Variants in TLR5 observed in about 807,000 individuals in gnomAD.
The protein encoded by TLR5 is toll-like receptor 5.
For missense variants in TLR5, 944 were observed against 999.8 expected (o/e 0.94, Z 0.75); for synonymous variants, 373 against 384.4 (o/e 0.97, Z 0.35).
chr1:223,121,160 G>A (rs1009981064), intron 5 of TLR5, among the ~76,000 whole-genome samples: 7 of 152,180 alleles, frequency 4.6e-5, no homozygotes, highest in African/African-American at 1.7e-4. Context: ...TTATAAGTAG[G>A]TGTGAGTGTT....
At position 223,112,165 on chromosome 1, in the gene TLR5, T is replaced by G. The variant is rs74851800; in HGVS notation, c.867A>C (p.Ser289=). The G allele has an allele frequency of 1.4e-3, 2,218 of 1,614,140 alleles. 29 individuals carry two copies. The African/African-American group carries it at 0.026, about 19-fold the overall frequency. The change falls in exon 6 of 6, where the codon TCA becomes TCC. Residue 289 remains serine, a synonymous_variant. Transcript: ENST00000642603. ...QNTFAGLARS[S]VRHLDLSHGF... is the part of the protein sequence containing the mutation. ...CATGTGAAAGATCCAGGTGTCTCACTGAACTTCTGGCCAGGCCAGCAAATG... is the reference window on the plus strand; with the variant it reads ...CATGTGAAAGATCCAGGTGTCTCACGGAACTTCTGGCCAGGCCAGCAAATG...
rs150722087 is a variant in TLR5 at position 223,113,250 on chromosome 1, G to C, written c.-4-215C>G. Among the ~76,000 whole-genome samples the C allele has an allele frequency of 2.5e-3, 387 of 152,232 alleles. 13 individuals carry two copies. The East Asian group carries it at 0.061, about 24-fold the overall frequency. On this transcript the variant is annotated intron_variant, in intron 5 of 5. Transcript: ENST00000642603. ...AGACAGGGTCTTGCTCTGTTGCCCAGGCTGGAGTGCAGTGGCATGATCACA... is the reference window on the plus strand; with the variant it reads ...AGACAGGGTCTTGCTCTGTTGCCCACGCTGGAGTGCAGTGGCATGATCACA...
Position 223,130,526 on chromosome 1 carries a change from G to A in TLR5, c.-5+1949C>T, listed in dbSNP as rs114581434. Among the ~76,000 whole-genome samples the A allele has an allele frequency of 1.1e-3, 172 of 152,282 alleles. 1 individual carries two copies. The highest frequency in any genetic ancestry group is 1.9e-3 in the Non-Finnish European group (132 of 68,026). ...GCCAGTTCTCTGGGTTCCTTGGATG[G>A]GCCGGTCTGAGAAGGACTTGGGCAG... is the stretch of plus-strand genomic sequence containing the variant. On this transcript the variant is annotated intron_variant, in intron 5 of 5. Transcript: ENST00000642603.
intron 5 of TLR5, among the ~76,000 whole-genome samples, chr1:223,114,834 G>T (rs1157227231): frequency 6.6e-6 from 1 of 152,136 alleles, no homozygotes. Flanking sequence ...GAGTCTCAGG[G>T]TGACAACACA....
intron 5 of TLR5, among the ~76,000 whole-genome samples, chr1:223,126,207 G>A (rs1212468617): frequency 3.9e-5 from 6 of 152,180 alleles, no homozygotes; most frequent in Admixed American, 3.3e-4. Context: ...GGTACAAGAC[G>A]GATGAACTTT....
intron 5 of TLR5, among the ~76,000 whole-genome samples, chr1:223,116,674 A>G (rs1039971718): frequency 6.6e-6 from 1 of 151,996 alleles, no homozygotes; most frequent in Non-Finnish European, 1.5e-5. Context: ...TTATTGGTCC[A>G]TTTTACACAG....
intron 5 of TLR5, among the ~76,000 whole-genome samples, chr1:223,121,092 A>T (rs928249353): frequency 6.6e-6 from 1 of 152,128 alleles, no homozygotes; most frequent in African/African-American, 2.4e-5. Flanking sequence ...TGGAAAAAAA[A>T]TGTTTAAGAA....
chr1:223,142,386 G>C (rs533923300), intron 1 of TLR5, among the ~76,000 whole-genome samples: 1 of 152,168 alleles, frequency 6.6e-6, no homozygotes, highest in African/African-American at 2.4e-5. Flanking sequence ...GGACGGATGT[G>C]TTCCCAACAC....
At position 223,113,892 on chromosome 1, in the gene TLR5, G is replaced by A. The variant is rs575994919; in HGVS notation, c.-4-857C>T. ...TTGCTTCACTTCAGCCGGGTACCCC[G>A]TTCCTAGCCCACAGAAAGCTCGGCT... On this transcript the variant is annotated intron_variant, in intron 5 of 5. Coordinates refer to ENST00000642603, the MANE Select transcript of TLR5 (RefSeq NM_003268.6). Among the ~76,000 whole-genome samples, 15 of 152,300 alleles carry A rather than the reference G, an allele frequency of 9.8e-5. No homozygotes were observed. In the South Asian group the frequency reaches 1.2e-3, roughly 13 times the overall value.
intron 3 of TLR5, 106 bp downstream of exon 3, chr1:223,137,072 C>CTTGA (rs1181356387): frequency 2.6e-5 from 4 of 152,250 alleles, no homozygotes; most frequent in African/African-American, 9.6e-5. Context: ...ATGTGCCCGC[C>CTTGA]TCAGCATCCC....
In TLR5 at chr1:223,112,527, A is replaced by T. The variant is rs768226372; in HGVS notation, c.505T>A (p.Leu169Met). The T allele has an allele frequency of 6.2e-7, 1 of 1,614,268 alleles. No homozygotes were observed. Among genetic ancestry groups the T allele is most frequent in the Non-Finnish European group, 8.5e-7 (1 of 1,180,044 alleles). ...SLYLHPSFGK[L>M]NSLKSIDFSS... ...AAATCTATGGACTTTAAGGAATTCA[A>T]CTTCCCAAATGAAGGATGAAGGTAA... The change falls in exon 6 of 6, where the codon TTG becomes ATG. Residue 169 changes from leucine (L) to methionine (M), a missense_variant. Coordinates refer to ENST00000642603, the MANE Select transcript of TLR5 (RefSeq NM_003268.6).
chr1:223,120,300 T>G (rs909843745), intron 5 of TLR5, among the ~76,000 whole-genome samples: 1 of 152,200 alleles, frequency 6.6e-6, no homozygotes, highest in Non-Finnish European at 1.5e-5. Context: ...ATAAGAACCT[T>G]TCTTCACAAC....
At chr1:223,120,557 A>G (rs1656911576) in intron 5 of TLR5, among the ~76,000 whole-genome samples, 1 of 152,224 alleles carries the variant, frequency 6.6e-6, no homozygotes, top group Non-Finnish European at 1.5e-5. Flanking sequence ...GTCACAGGTC[A>G]TGGTCCTCAC....
intron 5 of TLR5, among the ~76,000 whole-genome samples, chr1:223,122,067 G>T (rs1656976349): frequency 6.6e-6 from 1 of 152,178 alleles, no homozygotes; most frequent in Non-Finnish European, 1.5e-5. Flanking sequence ...CAGTTCAGAA[G>T]AAACTCCTAA....
rs926449078 is a variant in TLR5 at position 223,141,676 on chromosome 1, G to A, written c.-467C>T. On this transcript the variant is annotated 5_prime_UTR_variant, in exon 2 of 6. Coordinates refer to ENST00000642603, the MANE Select transcript of TLR5 (RefSeq NM_003268.6). ...TAATCCCAGCTACTTGGGAGGCTGA[G>A]GCAAGAGAATCGCTTGAACCCTGGA... 2.6e-5 allele frequency: 4 copies of A among 151,508 alleles called. No individual in the cohort carries two copies. The highest frequency in any genetic ancestry group is 7.3e-5 in the African/African-American group (3 of 41,274). 9.4% of individuals were successfully genotyped at this position (151,508 alleles called of 1,614,324 possible). A position where few individuals can be genotyped will look rare whatever the true frequency, so the allele number is the denominator to read the frequency against.
chr1:223,124,812 C>T (rs1571749115), intron 5 of TLR5, among the ~76,000 whole-genome samples: 1 of 152,176 alleles, frequency 6.6e-6, no homozygotes, highest in Non-Finnish European at 1.5e-5. Flanking sequence ...CCATGTTGCA[C>T]AGGCTGGTCT....
intron 5 of TLR5, among the ~76,000 whole-genome samples, chr1:223,116,192 TCTCA>T (rs1656630571): frequency 6.6e-6 from 1 of 152,246 alleles, no homozygotes; most frequent in Non-Finnish European, 1.5e-5. Flanking sequence ...GGGTTCCTGG[TCTCA>T]CTGACTTCAA....
At position 223,111,751 on chromosome 1, in the gene TLR5, G is replaced by A; in HGVS notation, c.1281C>T (p.Leu427=). 6.2e-7 allele frequency: 1 copy of A among 1,614,184 alleles called. No individual in the cohort carries two copies. Among genetic ancestry groups the A allele is most frequent in the Non-Finnish European group, 8.5e-7 (1 of 1,180,036 alleles). ...CTAGCCTGTTTTCTGATAAGTGGATGAGGTTCGCTGTAAGGTTGATCTTTG... is the reference window on the plus strand; with the variant it reads ...CTAGCCTGTTTTCTGATAAGTGGATAAGGTTCGCTGTAAGGTTGATCTTTG... ...TLPKINLTAN[L]IHLSENRLEN... The change falls in exon 6 of 6, where the codon CTC becomes CTT. Residue 427 remains leucine (L), a synonymous_variant. Transcript: ENST00000642603.
intron 1 of TLR5, among the ~76,000 whole-genome samples, 182 bp downstream of exon 1, chr1:223,143,014 C>T (rs1320882737): frequency 6.6e-6 from 1 of 152,140 alleles, no homozygotes; most frequent in East Asian, 1.9e-4. Context: ...TCGCGGGTGC[C>T]GCGGGGCAGA....
Sources: allele counts gnomAD v4.1 joint callset (sites outside exome capture counted in the v4.1 genomes callset), GRCh38; gene constraint gnomAD v4.1.1; transcripts MANE v1.5; gene names NCBI Gene and HGNC (gene_info 2026-07-23, HGNC 2026-07-21).